Variants in ADAMTSL3 observed in about 807,000 individuals in gnomAD.
ADAMTSL3 encodes the protein ADAMTS like 3.
A neutral mutation model predicts 201.7 loss-of-function variants in ADAMTSL3; 128 were observed. The ratio of observed to expected loss-of-function variants is 0.63; its 90% CI spans 0.55 to 0.73. The LOEUF is 0.73. ADAMTSL3 is among the 30% of genes least tolerant of loss of function. The probability of loss-of-function intolerance (pLI) is 0.00; values close to 1 mark genes in which losing one functional copy is unlikely to be tolerated. For missense variants in ADAMTSL3, 1,990 were observed against 2,119.6 expected, an observed-to-expected ratio of 0.94 and a Z score of 1.20; for synonymous variants, 738 against 748.4, an observed-to-expected ratio of 0.99 and a Z score of 0.23.
chr15:83,960,579 T>A (rs2066948446), intron 19 of ADAMTSL3, among the ~76,000 whole-genome samples: 1 of 152,148 alleles, frequency 6.6e-6, no homozygotes, highest in Non-Finnish European at 1.5e-5. Flanking sequence ...GGCATATTTT[T>A]ATGCCTCCTT....
intron 21 of ADAMTSL3, among the ~76,000 whole-genome samples, chr15:83,985,002 G>T (rs532682923): frequency 6.6e-6 from 1 of 152,190 alleles, no homozygotes; most frequent in Admixed American, 6.5e-5. Flanking sequence ...TAGTTGAAAT[G>T]TGCAATCTGA....
chr15:83,983,127 T>C lies in ADAMTSL3; in HGVS notation c.3499T>C (p.Ser1167Pro), dbSNP rs1490933834. 1 of 1,613,908 alleles carries C rather than the reference T, an allele frequency of 6.2e-7. No individual in the cohort carries two copies. Among genetic ancestry groups the C allele is most frequent in the Non-Finnish European group, 8.5e-7 (1 of 1,179,954 alleles). ...SVSQSSHAKNSGKLTFKPKGP... is the reference protein window; with the variant it reads ...SVSQSSHAKNPGKLTFKPKGP... Reference sequence around the variant, plus strand: ...GTCCCAAAGCTCGCATGCAAAAAACTCAGGCAAGCTGACATTCAAGCCGAA... The same window carrying C: ...GTCCCAAAGCTCGCATGCAAAAAACCCAGGCAAGCTGACATTCAAGCCGAA... Residue 1167 changes from serine (S) to proline (P), a missense_variant, in exon 21 of 30, where the codon TCA becomes CCA. Coordinates refer to ENST00000286744, the MANE Select transcript of ADAMTSL3 (RefSeq NM_207517.3).
At chr15:83,820,557 A>T (rs1421504354) in intron 6 of ADAMTSL3, among the ~76,000 whole-genome samples, 1 of 152,230 alleles carries the variant, frequency 6.6e-6, no homozygotes, top group Non-Finnish European at 1.5e-5. Context: ...TGGGGAATAC[A>T]CTTTGAGAAC....
chr15:83,834,262 CA>C (rs1861075143), intron 6 of ADAMTSL3, among the ~76,000 whole-genome samples: 1 of 152,162 alleles, frequency 6.6e-6, no homozygotes. Flanking sequence ...TGACACAGAT[CA>C]ATCACTTAGA....
chr15:83,801,635 TAA>T (rs1440739855), intron 4 of ADAMTSL3, among the ~76,000 whole-genome samples: 2 of 24,650 alleles, frequency 8.1e-5, no homozygotes, highest in East Asian at 3.1e-3. Flanking sequence ...TTTATATATA[TAA>T]ATATATAAAT....
chr15:83,744,326 A>G (rs2062508589), intron 3 of ADAMTSL3, among the ~76,000 whole-genome samples: 1 of 152,148 alleles, frequency 6.6e-6, no homozygotes, highest in South Asian at 2.1e-4. Flanking sequence ...TTTCTAATTT[A>G]CATACTTCAG....
chr15:84,021,500 C>G lies in ADAMTSL3; in HGVS notation c.4364C>G (p.Ala1455Gly), dbSNP rs1197685632. Residue 1455 changes from alanine (A) to glycine (G), a missense_variant, in exon 26 of 30, where the codon GCC becomes GGC. Ala to Gly is a moderately conservative substitution (Grantham distance 60, BLOSUM62 0). Transcript: ENST00000286744. Reference protein sequence around the residue: ...ARIQRPQCVMANGQEVSEALC... With the variant: ...ARIQRPQCVMGNGQEVSEALC... The stretch of plus-strand genomic sequence containing the variant: ...ATTCAGAGACCCCAGTGTGTGATGG[C>G]CAATGGGCAGGAAGTGAGTGAGGCC... 6.2e-7 allele frequency: 1 copy of G among 1,614,072 alleles called. No individual in the cohort carries two copies.
intron 3 of ADAMTSL3, among the ~76,000 whole-genome samples, 167 bp from the exon 4 acceptor site, chr15:83,773,356 C>T (rs1039579654): frequency 1.3e-5 from 2 of 151,566 alleles, no homozygotes; most frequent in African/African-American, 4.9e-5. Flanking sequence ...TGCAGCGAGC[C>T]GAGATTGTGC....
intron 23 of ADAMTSL3, among the ~76,000 whole-genome samples, chr15:83,997,585 G>T (rs545058202): frequency 1.3e-5 from 2 of 151,882 alleles, no homozygotes; most frequent in African/African-American, 4.8e-5. Flanking sequence ...ATAAGACTCC[G>T]TCTCAAAAAA....
At chr15:83,965,925 G>A (rs2067074449) in intron 19 of ADAMTSL3, among the ~76,000 whole-genome samples, 1 of 152,172 alleles carries the variant, frequency 6.6e-6, no homozygotes, top group Non-Finnish European at 1.5e-5. Flanking sequence ...ACCTGCTCCT[G>A]AATGACTACT....
chr15:83,795,340 A>C (rs1310498724), intron 4 of ADAMTSL3, among the ~76,000 whole-genome samples: 1 of 152,192 alleles, frequency 6.6e-6, no homozygotes, highest in Non-Finnish European at 1.5e-5. Flanking sequence ...GGGGCCAAAA[A>C]GCAAAGAGTA....
intron 2 of ADAMTSL3, among the ~76,000 whole-genome samples, chr15:83,669,972 T>C (rs1040437374): frequency 6.6e-6 from 1 of 151,616 alleles, no homozygotes; most frequent in Non-Finnish European, 1.5e-5. Context: ...TTATACAACA[T>C]AGGGGCTGAG....
Position 84,016,496 on chromosome 15 carries a change from C to T in ADAMTSL3, c.4270C>T (p.Gln1424Ter). 1 of 1,613,246 alleles carries T rather than the reference C, an allele frequency of 6.2e-7. No individual in the cohort carries two copies. The highest frequency in any genetic ancestry group is 2.2e-5 in the East Asian group (1 of 44,848). Residue 1424 changes from glutamine to a stop codon, truncating the protein, a stop_gained, in exon 25 of 30, where the codon CAA becomes TAA. Transcript: ENST00000286744. LOFTEE classifies it high-confidence loss of function. ...TGACCCAACAGGAGAACCCCCGCCT[C>T]AAGGTCTGGGATTTTGACCTTTTCA... ...SNDPTGEPPP[Q>*]EPFWEPGNWS...
intron 17 of ADAMTSL3, among the ~76,000 whole-genome samples, chr15:83,937,556 G>C (rs981823218): frequency 6.6e-6 from 1 of 150,670 alleles, no homozygotes; most frequent in Non-Finnish European, 1.5e-5. Flanking sequence ...TACCTACCAG[G>C]TACTATGCTT....
intron 3 of ADAMTSL3, among the ~76,000 whole-genome samples, chr15:83,752,082 T>C (rs2062645207): frequency 6.6e-6 from 1 of 152,190 alleles, no homozygotes. Flanking sequence ...GAAGAAAATA[T>C]TAAGTGTTAT....
intron 6 of ADAMTSL3, among the ~76,000 whole-genome samples, chr15:83,832,279 T>A (rs889515267): frequency 1.4e-4 from 21 of 152,202 alleles, no homozygotes; most frequent in African/African-American, 4.8e-4. Context: ...CTGTTCTTAT[T>A]AATGGTCTAA....
At chr15:83,921,037 A>T (rs972833650) in intron 16 of ADAMTSL3, among the ~76,000 whole-genome samples, 1 of 152,186 alleles carries the variant, frequency 6.6e-6, no homozygotes, top group Non-Finnish European at 1.5e-5. Flanking sequence ...TTTCATGAGG[A>T]TACTGAAATT....
At chr15:83,861,570 G>C (rs2064862111) in intron 8 of ADAMTSL3, 1 of 155,516 alleles carries the variant, frequency 6.4e-6, no homozygotes, top group Middle Eastern at 2.9e-3. Context: ...GTCCTGACTT[G>C]TAGAAGGAAA....
At chr15:83,849,331 T>TCA (rs1477918269) in intron 7 of ADAMTSL3, among the ~76,000 whole-genome samples, 1 of 152,196 alleles carries the variant, frequency 6.6e-6, no homozygotes, top group African/African-American at 2.4e-5. Context: ...CTCACTATGT[T>TCA]GCCCAGGCTG....
Sources: gnomAD v4.1 joint callset for allele counts (sites outside exome capture counted in the v4.1 genomes callset) on GRCh38, gnomAD v4.1.1 for gene constraint, MANE v1.5 for transcripts, NCBI Gene and HGNC (gene_info 2026-07-23, HGNC 2026-07-21) for gene names.